TRHDE: variants seen among roughly 807,000 people sequenced by gnomAD.
TRHDE encodes the protein thyrotropin releasing hormone degrading enzyme, also known as thyrotropin-releasing hormone-degrading ectoenzyme.
A neutral mutation model predicts 125.7 loss-of-function variants in TRHDE; 72 were observed. That is an observed-to-expected ratio of 0.57 (90% CI 0.47 to 0.70). The LOEUF (loss-of-function observed/expected upper bound fraction) is 0.70. TRHDE is among the 30% of genes least tolerant of loss of function. The pLI, the probability that TRHDE is intolerant of heterozygous loss-of-function variation, is 0.00. For missense variants in TRHDE, 1,110 were observed against 1,327.1 expected, an observed-to-expected ratio of 0.84 and a Z score of 2.54; for synonymous variants, 509 against 509.1, an observed-to-expected ratio of 1.00 and a Z score of 0.00.
chr12:72,140,137 G>A (rs2139313686), intron 2 of TRHDE: 1 of 152,248 alleles, frequency 6.6e-6, no homozygotes, highest in African/African-American at 2.4e-5. Context: ...TCCTGATCCA[G>A]GAGAGAATTA....
At chr12:72,567,432 A>G (rs768943868) in intron 9 of TRHDE, among the ~76,000 whole-genome samples, 22 of 152,018 alleles carry the variant, frequency 1.4e-4, no homozygotes, top group Non-Finnish European at 1.5e-4. Context: ...CCAACCTTCC[A>G]TTTGGACTCT....
At chr12:72,508,812 AT>A (rs1355625834) in intron 6 of TRHDE, among the ~76,000 whole-genome samples, 3 of 151,934 alleles carry the variant, frequency 2.0e-5, no homozygotes, top group Non-Finnish European at 2.9e-5. Context: ...ATGGGGGTGG[AT>A]TTCCCCCTTG....
At chr12:72,442,392 A>T (rs1035683090) in intron 3 of TRHDE, among the ~76,000 whole-genome samples, 12 of 151,868 alleles carry the variant, frequency 7.9e-5, no homozygotes, top group African/African-American at 2.9e-4. Flanking sequence ...TTTACCACTT[A>T]GTCACTCCTG....
intron 1 of TRHDE, among the ~76,000 whole-genome samples, chr12:72,279,662 T>C (rs1167404693): frequency 6.6e-6 from 1 of 152,174 alleles, no homozygotes. Context: ...ATGGTGGTGG[T>C]GGCAGTGTGA....
At chr12:72,464,836 T>A (rs551036794) in intron 3 of TRHDE, among the ~76,000 whole-genome samples, 1 of 152,266 alleles carries the variant, frequency 6.6e-6, no homozygotes, top group Admixed American at 6.5e-5. Context: ...CAAATTATAG[T>A]GCATTGAGGG....
chr12:72,523,650 T>C (rs1257207435), intron 6 of TRHDE, among the ~76,000 whole-genome samples: 1 of 152,178 alleles, frequency 6.6e-6, no homozygotes, highest in Non-Finnish European at 1.5e-5. Flanking sequence ...TCAGATTGCA[T>C]TGATTTAGCT....
chr12:72,410,294 G>A (rs552973798), intron 3 of TRHDE, among the ~76,000 whole-genome samples: 301 of 151,970 alleles, frequency 2.0e-3, no homozygotes, highest in Middle Eastern at 0.014. Flanking sequence ...AGTTGAACTG[G>A]CTTTATTATT....
intron 5 of TRHDE, among the ~76,000 whole-genome samples, chr12:72,481,284 G>C (rs915749703): frequency 2.7e-5 from 4 of 146,868 alleles, no homozygotes; most frequent in African/African-American, 1.0e-4. Flanking sequence ...CCTAGACAAG[G>C]ATGCCAGAAA....
chr12:72,468,052 C>T (rs939502506), intron 3 of TRHDE, among the ~76,000 whole-genome samples: 2 of 152,146 alleles, frequency 1.3e-5, no homozygotes, highest in Non-Finnish European at 2.9e-5. Flanking sequence ...GTGTGACTGT[C>T]TTCCATCCTT....
intron 12 of TRHDE, among the ~76,000 whole-genome samples, chr12:72,603,679 T>C (rs184547042): frequency 1.9e-4 from 29 of 151,962 alleles, no homozygotes; most frequent in South Asian, 4.2e-4. Flanking sequence ...GAGCCGAGAT[T>C]GCGCCACTGC....
chr12:72,367,148 A>T (rs930217690), intron 2 of TRHDE, among the ~76,000 whole-genome samples: 5 of 152,098 alleles, frequency 3.3e-5, no homozygotes, highest in Admixed American at 2.6e-4. Context: ...TTCTTCGACT[A>T]TGGTGATGGA....
intron 5 of TRHDE, among the ~76,000 whole-genome samples, chr12:72,491,173 T>C (rs1283333534): frequency 3.3e-5 from 5 of 151,812 alleles, no homozygotes; most frequent in Admixed American, 6.6e-5. Flanking sequence ...AAAGAAATCC[T>C]CAAAAATAAA....
intron 6 of TRHDE, among the ~76,000 whole-genome samples, chr12:72,506,922 G>A (rs1291574427): frequency 6.6e-6 from 1 of 152,154 alleles, no homozygotes; most frequent in Admixed American, 6.5e-5. Context: ...CCTGGTGGGA[G>A]GTGATTGGAT....
intron 6 of TRHDE, among the ~76,000 whole-genome samples, chr12:72,532,962 T>C (rs1234206828): frequency 2.5e-5 from 3 of 120,888 alleles, no homozygotes; most frequent in African/African-American, 8.9e-5. Context: ...CACAGCATCA[T>C]AGAAATTGTT....
intron 1 of TRHDE, among the ~76,000 whole-genome samples, chr12:72,098,579 A>T (rs1392969606): frequency 6.6e-6 from 1 of 152,210 alleles, no homozygotes; most frequent in African/African-American, 2.4e-5. Context: ...TGACCAGTAG[A>T]ATTTGGTAAA....
intron 12 of TRHDE, among the ~76,000 whole-genome samples, chr12:72,614,716 C>T (rs1872753043): frequency 6.6e-6 from 1 of 152,018 alleles, no homozygotes; most frequent in Non-Finnish European, 1.5e-5. Flanking sequence ...CTAAAAGTTT[C>T]AACCCCAGAA....
intron 12 of TRHDE, among the ~76,000 whole-genome samples, chr12:72,591,632 G>GTTTTTTTTTTTTTTTTTTT (rs71071842): frequency 5.6e-5 from 7 of 125,442 alleles, no homozygotes; most frequent in African/African-American, 9.6e-5. Flanking sequence ...AAGGATATGG[G>GTTTTTTTTTTTTTTTTTTT]TTTTTTTTTT....
intron 10 of TRHDE, 78 bp from the exon 11 acceptor site, chr12:72,575,177 A>G: frequency 7.3e-7 from 1 of 1,364,612 alleles, no homozygotes; most frequent in Non-Finnish European, 1.0e-6. Flanking sequence ...GTATTGTTAT[A>G]TCTGGCGTTA....
chr12:72,111,599 G>T (rs1875316780), intron 2 of TRHDE, among the ~76,000 whole-genome samples: 1 of 152,134 alleles, frequency 6.6e-6, no homozygotes, highest in African/African-American at 2.4e-5. Context: ...GAAGTAATTA[G>T]AAGCAAGAAT....
Sources: allele counts gnomAD v4.1 joint callset (sites outside exome capture counted in the v4.1 genomes callset), GRCh38; gene constraint gnomAD v4.1.1; transcripts MANE v1.5; gene names NCBI Gene and HGNC (gene_info 2026-07-23, HGNC 2026-07-21).